Variants in HSPG2 observed in about 807,000 individuals in gnomAD.
HSPG2 encodes the protein heparan sulfate proteoglycan 2, also known as basement membrane-specific heparan sulfate proteoglycan core protein.
HSPG2 carries 278 observed loss-of-function variants against 526.6 expected under a neutral mutation model. That is an observed-to-expected ratio of 0.53 (90% confidence interval 0.48 to 0.58). The LOEUF is 0.58. Ranked by LOEUF, HSPG2 falls within the 20% of genes least tolerant of loss-of-function variation. The pLI, the probability that HSPG2 is intolerant of heterozygous loss-of-function variation, is 0.00. For synonymous variants in HSPG2, 2,465 were observed against 2,555.4 expected (o/e 0.96, Z 1.07); for missense variants, 5,354 against 6,099.5 (o/e 0.88, Z 4.07).
intron 67 of HSPG2, 141 bp downstream of exon 67, chr1:21,842,629 G>T: frequency 1.8e-6 from 2 of 1,122,182 alleles, no homozygotes; most frequent in Non-Finnish European, 2.5e-6. Flanking sequence ...TGATTTGCAG[G>T]CTGGTGAACT....
Position 21,876,219 on chromosome 1 carries a change from CA to C in HSPG2, c.3003+9del. 6.3e-7 allele frequency: 1 copy of C among 1,598,928 alleles called. No individual in the cohort carries two copies. The highest frequency in any genetic ancestry group is 8.5e-7 in the Non-Finnish European group (1 of 1,172,560). ...CTGGAGTTTCCTTTGCCTTTCCACC[CA>C]CTACCCACCTTGTCCCCCAGGAAGC... On this transcript the variant is annotated intron_variant, in intron 23 of 96. Coordinates refer to ENST00000374695, the MANE Select transcript of HSPG2 (RefSeq NM_005529.7).
At chr1:21,849,974 G>T in intron 57 of HSPG2, 67 bp downstream of exon 57, 1 of 1,597,906 alleles carries the variant, frequency 6.3e-7, no homozygotes, top group Non-Finnish European at 8.6e-7. Context: ...CACTGCGCCC[G>T]GTCAAGCCTA....
chr1:21,879,065 A>G lies in HSPG2; in HGVS notation c.2400T>C (p.Phe800=), dbSNP rs987477305. ...TGGCCGTGGCCTTCATGGCGTCCCC[A>G]AAGAAGCCAGCCTTGCACTTGTTGC... The part of the protein sequence containing the change: ...PQCNKCKAGF[F]GDAMKATATS... Residue 800 remains phenylalanine (F), a synonymous_variant, in exon 18 of 97, where the codon TTT becomes TTC. Coordinates refer to ENST00000374695, the MANE Select transcript of HSPG2 (RefSeq NM_005529.7). The G allele has an allele frequency of 1.2e-6, 2 of 1,614,120 alleles. No homozygotes were observed. Among genetic ancestry groups the G allele is most frequent in the African/African-American group, 2.7e-5 (2 of 74,952 alleles).
chr1:21,901,289 C>A (rs553006801), intron 1 of HSPG2, among the ~76,000 whole-genome samples: 2 of 152,050 alleles, frequency 1.3e-5, no homozygotes, highest in East Asian at 1.9e-4. Flanking sequence ...TTAATAAGCA[C>A]TAGAATTACT....
At chr1:21,851,224 C>G (rs1249930652) in intron 55 of HSPG2, 1 of 387,290 alleles carries the variant, frequency 2.6e-6, no homozygotes, top group South Asian at 2.5e-5. Flanking sequence ...TCGCCCACCT[C>G]GGCCTCCCAA....
At chr1:21,932,714 C>G (rs1644378259) in intron 1 of HSPG2, among the ~76,000 whole-genome samples, 1 of 152,124 alleles carries the variant, frequency 6.6e-6, no homozygotes, top group African/African-American at 2.4e-5. Context: ...ATGTCCCAGG[C>G]AGAAGGAACA....
chr1:21,840,097 C>A (rs2098042588), intron 71 of HSPG2, 80 bp from the exon 72 acceptor site: 3 of 1,093,858 alleles, frequency 2.7e-6, no homozygotes, highest in Admixed American at 3.4e-5. Flanking sequence ...CTTGGTCTTC[C>A]CTATTTCCTC....
At chr1:21,870,332 G>C in intron 33 of HSPG2, 7 of 982,158 alleles carry the variant, frequency 7.1e-6, no homozygotes, top group Non-Finnish European at 8.5e-6. Context: ...AATGGAGGGA[G>C]CAGGCGAGCT....
chr1:21,900,898 T>C (rs1643064950), intron 1 of HSPG2, among the ~76,000 whole-genome samples: 3 of 151,904 alleles, frequency 2.0e-5, no homozygotes, highest in South Asian at 2.1e-4. Context: ...AAAAAGTTTA[T>C]AGCAAGCTCA....
In HSPG2 at chr1:21,865,174, C is replaced by T; in HGVS notation, c.4396-101G>A. On this transcript the variant is annotated intron_variant, in intron 35 of 96. Coordinates refer to ENST00000374695, the MANE Select transcript of HSPG2 (RefSeq NM_005529.7). This position sits in a 1 kb window ranked among gnomAD's most constrained non-coding sequence, Gnocchi z 5.4. Reference sequence around the variant, plus strand: ...CTGCCTTACAGGCACTGACTGAGGGCTGCCAGGTGAAGGTTGGGGAGCGAG... The same window carrying T: ...CTGCCTTACAGGCACTGACTGAGGGTTGCCAGGTGAAGGTTGGGGAGCGAG... 3.3e-6 allele frequency: 5 copies of T among 1,517,332 alleles called. No individual in the cohort carries two copies. The South Asian group carries it at 5.6e-5, about 17-fold the overall frequency. The allele number at this position is 1,517,332 out of a possible 1,614,324, so 94.0% of individuals were successfully genotyped here. A position where few individuals can be genotyped will look rare whatever the true frequency, so the allele number is the denominator to read the frequency against.
In HSPG2 at chr1:21,888,061, G is replaced by C; in HGVS notation, c.580C>G (p.Gln194Glu). 6.2e-7 allele frequency: 1 copy of C among 1,614,104 alleles called. No individual in the cohort carries two copies. The highest frequency in any genetic ancestry group is 8.5e-7 in the Non-Finnish European group (1 of 1,180,040). ...FQFRRLGTVP[Q>E]FPRACTEAEF... ...GCCTCCGTGCAGGCTCTTGGGAACT[G>C]GGGCACTGCAGGTGGAAAGGAAGCA... The change falls in exon 7 of 97, where the codon CAG becomes GAG. Residue 194 changes from glutamine to glutamate, a missense_variant. Transcript: ENST00000374695.
Position 21,876,505 on chromosome 1 carries a change from G to A in HSPG2, c.2826+7C>T. 3 of 1,614,142 alleles carry A rather than the reference G, an allele frequency of 1.9e-6. No individual in the cohort carries two copies. The highest frequency in any genetic ancestry group is 2.5e-6 in the Non-Finnish European group (3 of 1,180,024). On this transcript the variant is annotated splice_region_variant and intron_variant, in intron 22 of 96. Coordinates refer to ENST00000374695, the MANE Select transcript of HSPG2 (RefSeq NM_005529.7). ...GGCGGTCCTGCCCGCCCACCTTGCA[G>A]AGGTACCTGGGCACGGCTCCATGAA...
chr1:21,871,351 C>T (rs1159123152), intron 33 of HSPG2, among the ~76,000 whole-genome samples: 1 of 151,228 alleles, frequency 6.6e-6, no homozygotes, highest in Non-Finnish European at 1.5e-5. Context: ...CCTCCCCATC[C>T]TGGGTACCAG....
intron 76 of HSPG2, 46 bp from the exon 77 acceptor site, chr1:21,834,991 G>A (rs750637117): frequency 1.2e-6 from 2 of 1,602,928 alleles, no homozygotes; most frequent in Non-Finnish European, 1.7e-6. Flanking sequence ...GTCACTGCAG[G>A]CCTGGCCCGA....
At chr1:21,885,272 C>T (rs769534202) in intron 10 of HSPG2, 48 bp downstream of exon 10, 2 of 1,613,110 alleles carry the variant, frequency 1.2e-6, no homozygotes, top group Non-Finnish European at 1.7e-6. Context: ...GACAGAACCC[C>T]TAGAACCCAG....
chr1:21,881,643 G>T, intron 13 of HSPG2, 141 bp from the exon 14 acceptor site: 1 of 831,730 alleles, frequency 1.2e-6, no homozygotes, highest in Non-Finnish European at 1.9e-6. Context: ...CTTCCAAAGT[G>T]AAGAAAATGC....
chr1:21,835,517 G>A (rs1056106973), intron 76 of HSPG2, 23 bp downstream of exon 76: 2 of 1,524,730 alleles, frequency 1.3e-6, no homozygotes, highest in African/African-American at 2.7e-5. Context: ...GCTCTTAGCA[G>A]AGGCCTGAAG....
chr1:21,860,947 T>A (rs1639741536), intron 39 of HSPG2, among the ~76,000 whole-genome samples: 1 of 152,242 alleles, frequency 6.6e-6, no homozygotes, highest in Non-Finnish European at 1.5e-5. Flanking sequence ...ATATCAGGGC[T>A]GTGCGGGTGC....
In HSPG2 at chr1:21,837,011, G is replaced by A. The variant is rs767031911; in HGVS notation, c.10151-5C>T. ...CAGGGAGAGAGCCGGGAGGGCCTGC[G>A]GGGACATGTATGAGGTTCTGCAGGT... On this transcript the variant is annotated splice_polypyrimidine_tract_variant and splice_region_variant and intron_variant, in intron 74 of 96. Transcript: ENST00000374695. 6.5e-6 allele frequency: 10 copies of A among 1,546,938 alleles called. No individual in the cohort carries two copies. The Admixed American group carries it at 7.8e-5, about 12-fold the overall frequency.
Sources: gnomAD v4.1 joint callset for allele counts (sites outside exome capture counted in the v4.1 genomes callset) on GRCh38, gnomAD v4.1.1 for gene constraint, Gnocchi (gnomAD v3.1) non-coding constraint, MANE v1.5 for transcripts, NCBI Gene and HGNC (gene_info 2026-07-23, HGNC 2026-07-21) for gene names.